The following TLCD3B variants were observed in gnomAD, a reference collection of about 807,000 sequenced individuals.
TLCD3B encodes the protein TLC domain containing 3B.
Under a neutral mutation model 23.0 loss-of-function variants are expected in TLCD3B, and 9 were observed. The observed-to-expected ratio is 0.39, with a 90% CI of 0.24 to 0.68. The LOEUF is 0.68. Ranked by LOEUF, TLCD3B falls within the 30% of genes least tolerant of loss-of-function variation. TLCD3B has a pLI of 0.44. For missense variants in TLCD3B, 307 were observed against 371.8 expected (o/e 0.83, Z 1.43); for synonymous variants, 161 against 161.0 (o/e 1.00, Z 0.00).
In TLCD3B at chr16:30,024,768, G is replaced by A. The variant is rs529999599; in HGVS notation, c.*415C>T. 4.5e-5 allele frequency: 9 copies of A among 198,548 alleles called. No homozygotes were observed. Among genetic ancestry groups the A allele is most frequent in the South Asian group, 1.6e-4 (1 of 6,190 alleles). 12.3% of individuals were successfully genotyped at this position (198,548 alleles called of 1,614,324 possible). A position where few individuals can be genotyped will look rare whatever the true frequency, so the allele number is the denominator to read the frequency against. ...CCACTCGGGAGGCCCGAGGGCCAGC[G>A]GGGGTTAGTTGGGGCGTCCTCTCCT... On this transcript the variant is annotated 3_prime_UTR_variant, in exon 5 of 5. Coordinates refer to ENST00000380495, the MANE Select transcript of TLCD3B (RefSeq NM_031478.6).
At chr16:30,032,715 T>C (rs564775684), upstream of TLCD3B, 1 of 146,818 alleles carries the variant, frequency 6.8e-6, no homozygotes, top group Non-Finnish European at 1.5e-5. Flanking sequence ...GGCGCGATCA[T>C]GGCTCACTGC....
Position 30,025,732 on chromosome 16 carries a change from G to A in TLCD3B, c.534C>T (p.Leu178=), listed in dbSNP as rs201239038. 5.0e-6 allele frequency: 8 copies of A among 1,614,118 alleles called. No individual in the cohort carries two copies. In the East Asian group the frequency reaches 6.7e-5, roughly 13 times the overall value. The change falls in exon 4 of 5, where the codon CTC becomes CTT. Residue 178 remains leucine, a synonymous_variant. Coordinates refer to ENST00000380495, the MANE Select transcript of TLCD3B (RefSeq NM_031478.6). This position sits in a 1 kb window ranked among gnomAD's most constrained non-coding sequence, Gnocchi z 4.1. ...STPFVCLGKI[L]IQYKQQHTLL... ...CCCTCCCATGCTCACTCACCTGGAT[G>A]AGGATCTTGCCAAGGCAGACGAAGG...
At chr16:30,044,827 T>C (rs2071632753) in intron 2 of TLCD3B, among the ~76,000 whole-genome samples, 1 of 152,082 alleles carries the variant, frequency 6.6e-6, no homozygotes, top group Non-Finnish European at 1.5e-5. Context: ...AAGCCTGTAA[T>C]CCCAGCACTT....
rs2071014821 is a variant in TLCD3B, at chr16:30,024,650, C to T, written c.*533G>A. On this transcript the variant is annotated 3_prime_UTR_variant, in exon 5 of 5. Transcript: ENST00000380495. ...GGTAGCAGCCACCTCCTTCCCCCAA[C>T]CCAACAGACTAGTTCAAATTTGGGT... 4.4e-6 allele frequency: 1 copy of T among 227,966 alleles called. No individual in the cohort carries two copies. The highest frequency in any genetic ancestry group is 8.6e-6 in the Non-Finnish European group (1 of 116,924). The allele number at this position is 227,966 out of a possible 1,614,324, so 14.1% of individuals were successfully genotyped here.
chr16:30,025,903 G>A lies in TLCD3B; in HGVS notation c.445-82C>T, dbSNP rs1006320799. On this transcript the variant is annotated intron_variant, in intron 3 of 4. Coordinates refer to ENST00000380495, the MANE Select transcript of TLCD3B (RefSeq NM_031478.6). The surrounding 1 kb of genome is among the most constrained non-coding windows in gnomAD (Gnocchi z 4.1). ...CCCCCGCCCTTCCTCTTTCCCCTCTGTCACTTTGGGAGATGCTTGACTCTG... is the reference window on the plus strand; with the variant it reads ...CCCCCGCCCTTCCTCTTTCCCCTCTATCACTTTGGGAGATGCTTGACTCTG... The A allele has an allele frequency of 1.8e-6, 2 of 1,086,374 alleles. No individual in the cohort carries two copies. The highest frequency in any genetic ancestry group is 1.5e-5 in the African/African-American group (1 of 64,686). The allele number at this position is 1,086,374 out of a possible 1,614,324, so 67.3% of individuals were successfully genotyped here.
chr16:30,047,674 G>A (rs1256353266), intron 1 of TLCD3B, among the ~76,000 whole-genome samples: 1 of 151,750 alleles, frequency 6.6e-6, no homozygotes, highest in African/African-American at 2.4e-5. Context: ...GGCCAGGCTG[G>A]TCTCAAACTC....
At chr16:30,038,044 T>C (rs1385557645) in intron 3 of TLCD3B, among the ~76,000 whole-genome samples, 1 of 152,150 alleles carries the variant, frequency 6.6e-6, no homozygotes, top group Non-Finnish European at 1.5e-5. Context: ...GAAATGGCCT[T>C]ATATTGATCA....
chr16:30,040,131 C>A, intron 3 of TLCD3B, among the ~76,000 whole-genome samples: 1 of 43,096 alleles, frequency 2.3e-5, no homozygotes, highest in Non-Finnish European at 4.3e-5. Flanking sequence ...AAGACTTTGT[C>A]TCAAAAAAAA....
chr16:30,029,403 T>C lies in TLCD3B; in HGVS notation c.209+29A>G. 1.2e-6 allele frequency: 2 copies of C among 1,604,066 alleles called. No individual in the cohort carries two copies. The highest frequency in any genetic ancestry group is 1.3e-5 in the African/African-American group (1 of 74,844). ...CCCGTACACGCCAACCACTGGCACC[T>C]GGGCAGGGGGGTGTCTCGCAGCACT... On this transcript the variant is annotated intron_variant, in intron 2 of 4. Coordinates refer to ENST00000380495, the MANE Select transcript of TLCD3B (RefSeq NM_031478.6). The surrounding 1 kb of genome is among the most constrained non-coding windows in gnomAD (Gnocchi z 4.6).
At chr16:30,051,413 C>A (rs1262653895) in intron 1 of TLCD3B, among the ~76,000 whole-genome samples, 2 of 150,978 alleles carry the variant, frequency 1.3e-5, no homozygotes, top group Admixed American at 1.3e-4. Context: ...CTTCCAGCTA[C>A]TCTGGAAGCT....
chr16:30,047,000 G>C (rs756224244), intron 1 of TLCD3B, among the ~76,000 whole-genome samples: 1 of 152,100 alleles, frequency 6.6e-6, no homozygotes, highest in Admixed American at 6.6e-5. Context: ...TCGATCTGTC[G>C]TCCAGGCTGG....
At position 30,039,103 on chromosome 16, in the gene TLCD3B, C is replaced by CTTTTTTTT. The variant is rs1018184417; in HGVS notation, c.-67+1884_-67+1891dup. On this transcript the variant is annotated intron_variant, in intron 3 of 6. Transcript: ENST00000561666. ...TTATCCTTCTCCTCCTCCTTCCTCT[C>CTTTTTTTT]TTTTTTTTTTTTTTTTTTTTTTTTT... Among the ~76,000 whole-genome samples the CTTTTTTTT allele has an allele frequency of 4.8e-3, 474 of 99,616 alleles. 116 individuals are homozygous for CTTTTTTTT. The highest frequency in any genetic ancestry group is 0.011 in the African/African-American group (278 of 24,252). 65.4% of individuals were successfully genotyped at this position (99,616 alleles called of 152,430 possible).
At chr16:30,041,598 T>A (rs893321920) in intron 2 of TLCD3B, among the ~76,000 whole-genome samples, 1 of 151,650 alleles carries the variant, frequency 6.6e-6, no homozygotes, top group South Asian at 2.1e-4. Context: ...GGTGGGTGCC[T>A]GTAGTCCCAG....
chr16:30,027,806 C>T (rs2071213320), intron 2 of TLCD3B: 1 of 389,722 alleles, frequency 2.6e-6, no homozygotes, highest in African/African-American at 2.1e-5. Flanking sequence ...GTCAGAGAGG[C>T]AGGACCTGGG....
intron 3 of TLCD3B, among the ~76,000 whole-genome samples, chr16:30,038,324 C>T (rs1283521995): frequency 1.3e-5 from 2 of 152,100 alleles, no homozygotes; most frequent in East Asian, 1.9e-4. Flanking sequence ...TGGTGGTGCA[C>T]ACCTGTAGTA....
In TLCD3B at chr16:30,025,713, C is replaced by T; in HGVS notation, c.540+13G>A. On this transcript the variant is annotated intron_variant, in intron 4 of 4. Transcript: ENST00000380495. This position sits in a 1 kb window ranked among gnomAD's most constrained non-coding sequence, Gnocchi z 4.1. ...TCCCCATTGGGCTCCTGCACCCTCC[C>T]ATGCTCACTCACCTGGATGAGGATC... 1.2e-6 allele frequency: 2 copies of T among 1,613,750 alleles called. No homozygotes were observed. The highest frequency in any genetic ancestry group is 3.3e-4 in the Middle Eastern group (2 of 6,062).
chr16:30,024,861 C>A lies in TLCD3B; in HGVS notation c.*322G>T, dbSNP rs1404362486. On this transcript the variant is annotated 3_prime_UTR_variant, in exon 5 of 5. Coordinates refer to ENST00000380495, the MANE Select transcript of TLCD3B (RefSeq NM_031478.6). The stretch of plus-strand genomic sequence containing the variant: ...GGGATGGCCTTGGCAGAGGCGTCTC[C>A]CCACATTCTGACTCCTGGTCCCCTT... The A allele has an allele frequency of 5.1e-5, 15 of 296,268 alleles. No homozygotes were observed. Among genetic ancestry groups the A allele is most frequent in the Non-Finnish European group, 8.6e-5 (14 of 162,224 alleles). The allele number at this position is 296,268 out of a possible 1,614,324, so 18.4% of individuals were successfully genotyped here. A position where few individuals can be genotyped will look rare whatever the true frequency, so the allele number is the denominator to read the frequency against.
At chr16:30,038,225 T>C (rs1285858067) in intron 3 of TLCD3B, among the ~76,000 whole-genome samples, 1 of 152,132 alleles carries the variant, frequency 6.6e-6, no homozygotes, top group African/African-American at 2.4e-5. Context: ...GGTTAATAAT[T>C]AGTGTCACAT....
intron 1 of TLCD3B, among the ~76,000 whole-genome samples, chr16:30,050,677 G>C (rs549997164): frequency 6.6e-6 from 1 of 152,346 alleles, no homozygotes; most frequent in South Asian, 2.1e-4. Flanking sequence ...AGGGCCAGGG[G>C]TGGCCAAGAG....
Sources: allele counts gnomAD v4.1 joint callset (sites outside exome capture counted in the v4.1 genomes callset), GRCh38; gene constraint gnomAD v4.1.1; non-coding constraint Gnocchi (gnomAD v3.1); transcripts MANE v1.5; gene names NCBI Gene and HGNC (gene_info 2026-07-23, HGNC 2026-07-21).